The following SLC1A2 variants were observed in gnomAD, a reference collection of about 807,000 sequenced individuals.
The protein encoded by SLC1A2 is excitatory amino acid transporter 2.
Under a neutral mutation model 48.8 loss-of-function variants are expected in SLC1A2, and 15 were observed. That is an observed-to-expected ratio of 0.31 (90% CI 0.21 to 0.47). The LOEUF (loss-of-function observed/expected upper bound fraction) is 0.47. SLC1A2 is among the 20% of genes least tolerant of loss of function. SLC1A2 has a pLI of 0.99. For missense variants in SLC1A2, 502 were observed against 730.5 expected (o/e 0.69, Z 3.61); for synonymous variants, 279 against 272.6 (o/e 1.02, Z -0.23).
chr11:35,277,745 A>G (rs1178180214), intron 9 of SLC1A2, among the ~76,000 whole-genome samples: 1 of 151,302 alleles, frequency 6.6e-6, no homozygotes, highest in Admixed American at 6.6e-5. Flanking sequence ...AGCCAGCAGA[A>G]CTTAAATGGC....
chr11:35,332,476 A>G lies in SLC1A2; in HGVS notation c.18-14960T>C, dbSNP rs143972351. 3.7e-3 allele frequency among the ~76,000 whole-genome samples: 559 copies of G among 152,368 alleles called. 9 individuals are homozygous for G. Among genetic ancestry groups the G allele is most frequent in the Admixed American group, 0.027 (419 of 15,304 alleles). On this transcript the variant is annotated intron_variant, in intron 1 of 10. Coordinates refer to ENST00000278379, the MANE Select transcript of SLC1A2 (RefSeq NM_004171.4). Reference sequence around the variant, plus strand: ...AAAGCAAGGAACATGTCCTGTTTTTATTTGAATCCTCTATATAATGACATG... The same window carrying G: ...AAAGCAAGGAACATGTCCTGTTTTTGTTTGAATCCTCTATATAATGACATG...
chr11:35,338,098 C>T (rs1445599843), intron 1 of SLC1A2, among the ~76,000 whole-genome samples: 1 of 152,158 alleles, frequency 6.6e-6, no homozygotes, highest in Non-Finnish European at 1.5e-5. Context: ...TGGCAAACTA[C>T]AGCCATGGGC....
At chr11:35,383,135 G>C (rs1486222151) in intron 1 of SLC1A2, among the ~76,000 whole-genome samples, 1 of 152,176 alleles carries the variant, frequency 6.6e-6, no homozygotes. Context: ...CAAACTGGTA[G>C]TGTATTAAAA....
At chr11:35,407,958 C>T (rs780892596) in intron 1 of SLC1A2, among the ~76,000 whole-genome samples, 13 of 152,248 alleles carry the variant, frequency 8.5e-5, no homozygotes, top group Admixed American at 4.6e-4. Flanking sequence ...CCTGTCATGA[C>T]TCTAACTGCC....
intron 1 of SLC1A2, among the ~76,000 whole-genome samples, chr11:35,410,053 G>C (rs778657791): frequency 6.6e-6 from 1 of 152,078 alleles, no homozygotes; most frequent in Non-Finnish European, 1.5e-5. Context: ...ACAGGATTGG[G>C]GCCGGAGATA....
intron 1 of SLC1A2, among the ~76,000 whole-genome samples, chr11:35,328,590 T>C (rs868026735): frequency 2.0e-5 from 3 of 152,184 alleles, no homozygotes; most frequent in African/African-American, 7.2e-5. Flanking sequence ...GTCCTGGACT[T>C]GGAAAAACTG....
chr11:35,305,097 C>T (rs1383577341), intron 5 of SLC1A2, among the ~76,000 whole-genome samples: 1 of 152,134 alleles, frequency 6.6e-6, no homozygotes, highest in South Asian at 2.1e-4. Context: ...GGCCAAATGC[C>T]CCTATTTCCT....
chr11:35,405,867 G>A (rs1590283611), intron 1 of SLC1A2, among the ~76,000 whole-genome samples: 3 of 152,168 alleles, frequency 2.0e-5, no homozygotes, highest in Non-Finnish European at 2.9e-5. Flanking sequence ...AGATGACCAT[G>A]ACCCAACAAG....
At chr11:35,361,891 AC>A (rs1853692758) in intron 1 of SLC1A2, among the ~76,000 whole-genome samples, 2 of 152,164 alleles carry the variant, frequency 1.3e-5, no homozygotes, top group African/African-American at 4.8e-5. Flanking sequence ...GTAGAGGATC[AC>A]TTGAGCCTGG....
rs1950470771 is a variant in SLC1A2, at chr11:35,265,665, G to A, written c.1515C>T (p.Asp505=). ...HLSKSELDTI[D]SQHRVHEDIE... ...TATCTTCATGCACTCGATGCTGGGA[G>A]TCAATGGTATCCAGCTCAGACTTGG... The change falls in exon 10 of 11, where the codon GAC becomes GAT. Residue 505 remains aspartate (D), a synonymous_variant. Coordinates refer to ENST00000278379, the MANE Select transcript of SLC1A2 (RefSeq NM_004171.4). 3.7e-6 allele frequency: 6 copies of A among 1,612,948 alleles called. No homozygotes were observed. The South Asian group carries it at 4.4e-5, about 12-fold the overall frequency.
At chr11:35,341,043 G>C (rs557123750) in intron 1 of SLC1A2, among the ~76,000 whole-genome samples, 10 of 152,314 alleles carry the variant, frequency 6.6e-5, no homozygotes, top group Admixed American at 2.0e-4. Context: ...CACAGATTGA[G>C]TACATTTGGT....
intron 1 of SLC1A2, among the ~76,000 whole-genome samples, chr11:35,361,839 T>C (rs141212329): frequency 0.012 from 1,776 of 152,196 alleles, 60 homozygotes; most frequent in Admixed American, 0.077. Context: ...TAACTGGGCA[T>C]GGTGATGCCT....
chr11:35,304,828 A>G (rs908621765), intron 5 of SLC1A2, among the ~76,000 whole-genome samples: 1 of 152,102 alleles, frequency 6.6e-6, no homozygotes, highest in African/African-American at 2.4e-5. Flanking sequence ...TTTTAGTATT[A>G]TTATGTCCCA....
intron 9 of SLC1A2, among the ~76,000 whole-genome samples, chr11:35,275,184 C>T (rs1375312745): frequency 6.6e-6 from 1 of 152,190 alleles, no homozygotes; most frequent in African/African-American, 2.4e-5. Flanking sequence ...CAGAGCCCTC[C>T]TGGAGGGTGG....
chr11:35,368,803 GC>G (rs1232457525), intron 1 of SLC1A2, among the ~76,000 whole-genome samples: 3 of 152,290 alleles, frequency 2.0e-5, no homozygotes, highest in Admixed American at 6.5e-5. Context: ...CACGTCTTTG[GC>G]CCCCAAAGCA....
chr11:35,301,694 C>T (rs543796878), intron 5 of SLC1A2, 49 bp from the exon 6 acceptor site: 1 of 1,574,838 alleles, frequency 6.3e-7, no homozygotes, highest in Admixed American at 1.7e-5. Flanking sequence ...AAAAAATGTA[C>T]TTTTTCTCCC....
rs557179193 is a variant in SLC1A2, at chr11:35,367,291, G to A, written c.18-49775C>T. ...TGCCTGGTGGCTGTTGTGGGAAAAA[G>A]AGACTCAAGATGAGGAACTTGACCC... On this transcript the variant is annotated intron_variant, in intron 1 of 10. Transcript: ENST00000278379. Among the ~76,000 whole-genome samples the A allele has an allele frequency of 2.5e-3, 380 of 152,304 alleles. 2 individuals are homozygous for A. The highest frequency in any genetic ancestry group is 4.2e-3 in the Admixed American group (64 of 15,304).
At position 35,254,030 on chromosome 11, in the gene SLC1A2, C is replaced by T. The variant is rs779800984; in HGVS notation, c.*6864G>A. The T allele has an allele frequency of 1.3e-5, 2 of 152,308 alleles. No homozygotes were observed. The highest frequency in any genetic ancestry group is 2.9e-5 in the Non-Finnish European group (2 of 68,014). 9.4% of individuals were successfully genotyped at this position (152,308 alleles called of 1,614,324 possible). ...TTGTTTAAAAAAATGTAAGACTGGG[C>T]TGGAGGAATTTGTGGATTTAGGGTG... is the stretch of plus-strand genomic sequence containing the variant. On this transcript the variant is annotated 3_prime_UTR_variant, in exon 11 of 11. Coordinates refer to ENST00000278379, the MANE Select transcript of SLC1A2 (RefSeq NM_004171.4).
At chr11:35,328,706 T>C (rs1269072411) in intron 1 of SLC1A2, among the ~76,000 whole-genome samples, 1 of 152,174 alleles carries the variant, frequency 6.6e-6, no homozygotes, top group Non-Finnish European at 1.5e-5. Context: ...AGAGTGATTT[T>C]GCTGTTGGGG....
Sources: gnomAD v4.1 joint callset for allele counts (sites outside exome capture counted in the v4.1 genomes callset) on GRCh38, gnomAD v4.1.1 for gene constraint, MANE v1.5 for transcripts, NCBI Gene and HGNC (gene_info 2026-07-23, HGNC 2026-07-21) for gene names.